The following C9 variants were observed in gnomAD, a reference collection of about 807,000 sequenced individuals.
C9 encodes the protein complement component C9.
A neutral mutation model predicts 65.4 loss-of-function variants in C9; 63 were observed. The observed-to-expected ratio is 0.96, with a 90% CI of 0.79 to 1.19. The LOEUF is 1.19. Ranked by LOEUF, C9 falls within the 50% of genes most tolerant of loss-of-function variation. The pLI, the probability that C9 is intolerant of heterozygous loss-of-function variation, is 0.00. For synonymous variants in C9, 229 were observed against 227.9 expected (o/e 1.00, Z -0.04); for missense variants, 744 against 670.1 (o/e 1.11, Z -1.22).
chr5:39,336,360 T>C (rs193179068), intron 4 of C9, among the ~76,000 whole-genome samples: 60 of 152,254 alleles, frequency 3.9e-4, no homozygotes, highest in African/African-American at 1.3e-3. Context: ...TAACCTAATG[T>C]AATATAGTTT....
intron 4 of C9, among the ~76,000 whole-genome samples, chr5:39,339,937 G>T (rs1028582529): frequency 5.3e-5 from 8 of 152,002 alleles, no homozygotes; most frequent in African/African-American, 1.7e-4. Flanking sequence ...GAGATTACAG[G>T]CGTGACCCGC....
At position 39,284,550 on chromosome 5, in the gene C9, T is replaced by A. The variant is rs993647718; in HGVS notation, c.*649A>T. On this transcript the variant is annotated 3_prime_UTR_variant, in exon 11 of 11. Transcript: ENST00000263408. ...ACTGAACACTATCTATATTATTCCT[T>A]TCATCTAACTGGATTTTTGTACCCA... is the stretch of plus-strand genomic sequence containing the variant. The A allele has an allele frequency of 6.6e-6, 1 of 152,286 alleles. No homozygotes were observed. The highest frequency in any genetic ancestry group is 1.5e-5 in the Non-Finnish European group (1 of 68,074). The allele number at this position is 152,286 out of a possible 1,614,324, so 9.4% of individuals were successfully genotyped here.
intron 4 of C9, among the ~76,000 whole-genome samples, chr5:39,334,327 G>A (rs1451117479): frequency 2.0e-5 from 3 of 149,550 alleles, no homozygotes; most frequent in South Asian, 2.1e-4. Context: ...GGAGAGGAGC[G>A]TCTCTGCCCG....
chr5:39,333,683 C>T (rs901232294), intron 4 of C9, among the ~76,000 whole-genome samples: 5 of 134,838 alleles, frequency 3.7e-5, no homozygotes, highest in East Asian at 4.5e-4. Flanking sequence ...ACTGTACTGC[C>T]GCCATCTTGG....
At chr5:39,343,267 C>A (rs543553561) in intron 1 of C9, among the ~76,000 whole-genome samples, 95 of 152,262 alleles carry the variant, frequency 6.2e-4, no homozygotes, top group Non-Finnish European at 1.0e-3. Context: ...TCAGGGAATT[C>A]CCTTTCCTAC....
chr5:39,319,890 A>C (rs1356372642), intron 5 of C9, among the ~76,000 whole-genome samples: 1 of 152,078 alleles, frequency 6.6e-6, no homozygotes, highest in East Asian at 1.9e-4. Context: ...CAGCAGACCC[A>C]AGCTCCAGGC....
intron 5 of C9, among the ~76,000 whole-genome samples, chr5:39,322,908 A>G (rs1049895581): frequency 1.3e-5 from 2 of 152,100 alleles, no homozygotes; most frequent in African/African-American, 4.8e-5. Context: ...ATACCACACC[A>G]TGTTATATGA....
Position 39,288,809 on chromosome 5 carries a change from A to C in C9, c.1559T>G (p.Ile520Ser), listed in dbSNP as rs1210302166. The change falls in exon 10 of 11, where the codon ATT becomes AGT. Residue 520 changes from isoleucine to serine, a missense_variant. By Grantham distance (142) the Ile-to-Ser change is moderately radical. Coordinates refer to ENST00000263408, the MANE Select transcript of C9 (RefSeq NM_001737.5). ...CHTCQNGGTVILMDGKCLCAC... is the reference protein window; with the variant it reads ...CHTCQNGGTVSLMDGKCLCAC... ...ACACAAACACTTTCCATCCATTAGAATCACTGTACCTCCATTTTGGCATGT... is the reference window on the plus strand; with the variant it reads ...ACACAAACACTTTCCATCCATTAGACTCACTGTACCTCCATTTTGGCATGT... The C allele has an allele frequency of 6.2e-7, 1 of 1,612,342 alleles. No individual in the cohort carries two copies. The highest frequency in any genetic ancestry group is 1.3e-5 in the African/African-American group (1 of 74,924).
intron 1 of C9, among the ~76,000 whole-genome samples, chr5:39,363,591 C>T (rs1754560671): frequency 1.3e-5 from 2 of 152,138 alleles, no homozygotes; most frequent in African/African-American, 4.8e-5. Context: ...CAGTACTCTC[C>T]CCAGAACGGA....
intron 9 of C9, among the ~76,000 whole-genome samples, chr5:39,302,830 G>A (rs879594913): frequency 3.3e-5 from 5 of 152,094 alleles, no homozygotes; most frequent in Admixed American, 2.0e-4. Flanking sequence ...AGACACAGTT[G>A]AATTTACTGA....
intron 1 of C9, among the ~76,000 whole-genome samples, chr5:39,347,077 C>G (rs1407867976): frequency 2.0e-5 from 3 of 152,266 alleles, no homozygotes; most frequent in Middle Eastern, 3.4e-3. Context: ...ACTGAATGGG[C>G]AAAAACTGGA....
chr5:39,353,737 A>G (rs1009916910), intron 1 of C9, among the ~76,000 whole-genome samples: 2 of 152,106 alleles, frequency 1.3e-5, no homozygotes, highest in Non-Finnish European at 2.9e-5. Flanking sequence ...CAAAACAAAA[A>G]ACATGATCCC....
chr5:39,343,599 T>C (rs1273289387), intron 1 of C9, among the ~76,000 whole-genome samples: 3 of 152,244 alleles, frequency 2.0e-5, no homozygotes, highest in African/African-American at 7.2e-5. Context: ...CCTCTGGGGG[T>C]AGGGCATAGC....
chr5:39,326,222 G>A (rs1291640992), intron 5 of C9, among the ~76,000 whole-genome samples: 1 of 152,160 alleles, frequency 6.6e-6, no homozygotes, highest in Non-Finnish European at 1.5e-5. Flanking sequence ...ATGTAACTAA[G>A]TTGCCTAAAT....
chr5:39,306,112 G>C (rs1395635951), intron 9 of C9, among the ~76,000 whole-genome samples: 3 of 148,022 alleles, frequency 2.0e-5, no homozygotes, highest in African/African-American at 7.6e-5. Flanking sequence ...GCAGTGAGCT[G>C]AGATTGCACC....
chr5:39,328,044 T>C (rs1264757112), intron 5 of C9, among the ~76,000 whole-genome samples: 2 of 152,152 alleles, frequency 1.3e-5, no homozygotes, highest in African/African-American at 2.4e-5. Context: ...AAAAGATTTA[T>C]ATATGAAGGC....
At chr5:39,311,116 G>A in intron 7 of C9, 21 bp downstream of exon 7, 1 of 1,612,186 alleles carries the variant, frequency 6.2e-7, no homozygotes, top group Middle Eastern at 1.7e-4. Context: ...TTTGAAGTCA[G>A]AGCTCTATTT....
chr5:39,316,735 T>C lies in C9; in HGVS notation c.616-706A>G, dbSNP rs530371640. The stretch of plus-strand genomic sequence containing the variant: ...GTGTATATGTACCACATTTTCTTTA[T>C]CCACTCTATCATTGATGGGCGTTTG... On this transcript the variant is annotated intron_variant, in intron 5 of 10. Transcript: ENST00000263408. 1.4e-4 allele frequency among the ~76,000 whole-genome samples: 21 copies of C among 152,352 alleles called. 1 individual carries two copies. Among genetic ancestry groups the C allele is most frequent in the African/African-American group, 4.8e-4 (20 of 41,580 alleles).
chr5:39,347,077 C>T (rs1407867976), intron 1 of C9, among the ~76,000 whole-genome samples: 5 of 152,150 alleles, frequency 3.3e-5, no homozygotes, highest in African/African-American at 1.2e-4. Flanking sequence ...ACTGAATGGG[C>T]AAAAACTGGA....
Sources: allele counts gnomAD v4.1 joint callset (sites outside exome capture counted in the v4.1 genomes callset), GRCh38; gene constraint gnomAD v4.1.1; transcripts MANE v1.5; gene names NCBI Gene and HGNC (gene_info 2026-07-23, HGNC 2026-07-21).